ZNF385B: variants seen among roughly 807,000 people sequenced by gnomAD.
The protein encoded by ZNF385B is zinc finger protein 533.
ZNF385B carries 23 observed loss-of-function variants against 39.2 expected under a neutral mutation model. The ratio of observed to expected loss-of-function variants is 0.59; its 90% CI spans 0.42 to 0.83. The LOEUF is 0.83. Among genes scored for constraint, ZNF385B ranks in the 40% least tolerant of loss-of-function variants. The probability of loss-of-function intolerance (pLI) is 0.00; values close to 1 mark genes in which losing one functional copy is unlikely to be tolerated. For missense variants in ZNF385B, 552 were observed against 598.9 expected, an observed-to-expected ratio of 0.92 and a Z score of 0.82; for synonymous variants, 205 against 222.6, an observed-to-expected ratio of 0.92 and a Z score of 0.70.
chr2:179,668,160 T>A (rs531973052), intron 3 of ZNF385B, among the ~76,000 whole-genome samples: 1 of 152,302 alleles, frequency 6.6e-6, no homozygotes, highest in Admixed American at 6.5e-5. Flanking sequence ...AATGACACCA[T>A]GATATTTAAT....
chr2:179,684,855 T>A (rs1697803205), intron 3 of ZNF385B, among the ~76,000 whole-genome samples: 1 of 152,214 alleles, frequency 6.6e-6, no homozygotes, highest in Non-Finnish European at 1.5e-5. Flanking sequence ...AATGCAAGTT[T>A]ACTTTCTGAG....
intron 6 of ZNF385B, among the ~76,000 whole-genome samples, chr2:179,475,771 C>T (rs911435925): frequency 1.3e-3 from 1 of 760 alleles, no homozygotes; most frequent in African/African-American, 4.4e-3. Flanking sequence ...GTCTAAAGCA[C>T]TTTGGGAGGC....
chr2:179,799,992 G>A (rs7608363), intron 1 of ZNF385B, among the ~76,000 whole-genome samples: 13,115 of 152,092 alleles, frequency 0.086, 799 homozygotes, highest in Admixed American at 0.17. Context: ...TCAGAATTTT[G>A]ATCTGACATC....
chr2:179,643,004 T>C (rs1692401305), intron 3 of ZNF385B, among the ~76,000 whole-genome samples: 1 of 152,158 alleles, frequency 6.6e-6, no homozygotes, highest in Admixed American at 6.6e-5. Context: ...CCTTTTCTGA[T>C]AGAACACAAT....
chr2:179,821,385 G>A (rs1707386834), intron 1 of ZNF385B, among the ~76,000 whole-genome samples: 1 of 152,166 alleles, frequency 6.6e-6, no homozygotes, highest in Non-Finnish European at 1.5e-5. Flanking sequence ...AACAAAGGAT[G>A]CAGTGGGGAG....
intron 3 of ZNF385B, among the ~76,000 whole-genome samples, chr2:179,622,831 G>C (rs1690327223): frequency 6.6e-6 from 1 of 152,176 alleles, no homozygotes; most frequent in African/African-American, 2.4e-5. Flanking sequence ...AGAGAGGACA[G>C]TGGTGGCTGG....
intron 3 of ZNF385B, among the ~76,000 whole-genome samples, chr2:179,697,063 G>A (rs1698822584): frequency 6.6e-6 from 1 of 152,170 alleles, no homozygotes; most frequent in Non-Finnish European, 1.5e-5. Flanking sequence ...TTCGGGGTGT[G>A]TGGGAGCCTC....
At chr2:179,833,018 A>G (rs1211562046) in intron 1 of ZNF385B, among the ~76,000 whole-genome samples, 3 of 152,174 alleles carry the variant, frequency 2.0e-5, no homozygotes, top group Admixed American at 2.0e-4. Context: ...TTCTCAGAGT[A>G]TATCACTTTT....
chr2:179,752,239 C>A (rs1702723615), intron 3 of ZNF385B, among the ~76,000 whole-genome samples: 1 of 152,188 alleles, frequency 6.6e-6, no homozygotes. Context: ...CCAGCTTCAT[C>A]CATGTCCCTT....
intron 3 of ZNF385B, among the ~76,000 whole-genome samples, chr2:179,748,845 G>A (rs773198791): frequency 4.6e-5 from 7 of 152,022 alleles, no homozygotes; most frequent in African/African-American, 7.2e-5. Flanking sequence ...TAGAACATCC[G>A]CTGTCTTCAA....
intron 3 of ZNF385B, among the ~76,000 whole-genome samples, chr2:179,744,438 C>G (rs1462986842): frequency 1.3e-5 from 2 of 151,946 alleles, no homozygotes; most frequent in African/African-American, 2.4e-5. Flanking sequence ...AACGAGAAAC[C>G]ATGTGCTCAG....
intron 3 of ZNF385B, among the ~76,000 whole-genome samples, chr2:179,758,867 C>T (rs1247944812): frequency 6.6e-6 from 1 of 152,122 alleles, no homozygotes; most frequent in Non-Finnish European, 1.5e-5. Context: ...CTAGCTGAGC[C>T]CAGCCCACAT....
chr2:179,769,899 A>G, intron 2 of ZNF385B, 97 bp from the exon 3 acceptor site: 2 of 1,244,042 alleles, frequency 1.6e-6, no homozygotes, highest in Non-Finnish European at 2.2e-6. Context: ...TTAAGCTAAA[A>G]GTTGCCCAGC....
intron 6 of ZNF385B, among the ~76,000 whole-genome samples, chr2:179,455,471 C>T (rs868822154): frequency 4.6e-5 from 7 of 152,092 alleles, no homozygotes; most frequent in East Asian, 1.9e-4. Flanking sequence ...TTGCTCGGCA[C>T]GTCTCCTTGC....
At chr2:179,846,019 C>T (rs971456917) in intron 1 of ZNF385B, among the ~76,000 whole-genome samples, 9 of 152,174 alleles carry the variant, frequency 5.9e-5, no homozygotes, top group Non-Finnish European at 5.9e-5. Flanking sequence ...GGCATACTTG[C>T]ACATGGTAAT....
chr2:179,591,125 A>ACACACG (rs1365073897), intron 3 of ZNF385B, among the ~76,000 whole-genome samples: 11 of 151,884 alleles, frequency 7.2e-5, no homozygotes, highest in Non-Finnish European at 1.5e-4. Context: ...ACACACACAC[A>ACACACG]CAATTCAAAC....
At chr2:179,488,305 C>T (rs1241456392) in intron 5 of ZNF385B, among the ~76,000 whole-genome samples, 2 of 152,126 alleles carry the variant, frequency 1.3e-5, no homozygotes, top group African/African-American at 2.4e-5. Flanking sequence ...CCACCACGCC[C>T]GGCTAATTTT....
At chr2:179,456,495 A>T (rs2050723017) in intron 6 of ZNF385B, among the ~76,000 whole-genome samples, 1 of 152,324 alleles carries the variant, frequency 6.6e-6, no homozygotes, top group Non-Finnish European at 1.5e-5. Context: ...ACGTAATTTT[A>T]AAAATTTTTA....
chr2:179,602,152 C>T (rs1051975923), intron 3 of ZNF385B, among the ~76,000 whole-genome samples: 11 of 152,122 alleles, frequency 7.2e-5, no homozygotes, highest in Admixed American at 3.9e-4. Flanking sequence ...CAGAACTGTC[C>T]ACTAAGAAAA....
Sources: gnomAD v4.1 joint callset for allele counts (sites outside exome capture counted in the v4.1 genomes callset) on GRCh38, gnomAD v4.1.1 for gene constraint, MANE v1.5 for transcripts, NCBI Gene and HGNC (gene_info 2026-07-23, HGNC 2026-07-21) for gene names.